PPL: variants seen among roughly 807,000 people sequenced by gnomAD.
PPL encodes the protein periplakin, also known as 190 kDa paraneoplastic pemphigus antigen.
In PPL, 198 loss-of-function variants were observed where a neutral mutation model predicts 194.4. The observed-to-expected ratio is 1.02, with a 90% CI of 0.91 to 1.15. The LOEUF is 1.15. PPL is among the 50% of genes most tolerant of loss of function. PPL has a pLI of 0.00. For synonymous variants in PPL, 1,220 were observed against 972.4 expected, an observed-to-expected ratio of 1.25 and a Z score of -4.74; for missense variants, 2,885 against 2,294.8, an observed-to-expected ratio of 1.26 and a Z score of -5.25.
chr16:4,887,421 A>T (rs1233562890), intron 20 of PPL, among the ~76,000 whole-genome samples, 194 bp from the exon 21 acceptor site: 4 of 152,072 alleles, frequency 2.6e-5, no homozygotes, highest in African/African-American at 7.2e-5. Context: ...GAGGCAGAAG[A>T]TCCAGGCCAG....
At chr16:4,895,822 C>T (rs1029721560) in intron 9 of PPL, 106 bp from the exon 10 acceptor site, 3 of 1,481,880 alleles carry the variant, frequency 2.0e-6, no homozygotes, top group Non-Finnish European at 2.8e-6. Flanking sequence ...GCCTCCGGTT[C>T]ACCTGGAGTC....
In PPL at chr16:4,885,414, C is replaced by T; in HGVS notation, c.3241G>A (p.Asp1081Asn). ...TCCTCCTGCTTCTCCCTGAGCTGGT[C>T]CTGGCGCTGGTGGTCCTCCTGCAGC... The part of the protein sequence containing the change: ...QQLQEDHQRQ[D>N]QLREKQEEEL... The change falls in exon 22 of 22, where the codon GAC becomes AAC. Residue 1081 changes from aspartate (D) to asparagine (N), a missense_variant. Transcript: ENST00000345988. This position sits in a 1 kb window ranked among gnomAD's most constrained non-coding sequence, Gnocchi z 6.3. 1 of 1,612,830 alleles carries T rather than the reference C, an allele frequency of 6.2e-7. No homozygotes were observed. Among genetic ancestry groups the T allele is most frequent in the Non-Finnish European group, 8.5e-7 (1 of 1,180,000 alleles).
In PPL at chr16:4,890,331, C is replaced by T. The variant is rs762281387; in HGVS notation, c.2166G>A (p.Ala722=). ...NNLRQQVERR[A]QSLQSAKAAY... ...CTGCCTTGGCGCTCTGTAGGCTCTG[C>T]GCCCTGTCAAGGCAAAGCGTTCAGG... The change falls in exon 18 of 22, where the codon GCG becomes GCA. Residue 722 remains alanine, a synonymous_variant. Transcript: ENST00000345988. 1.2e-5 allele frequency: 20 copies of T among 1,611,270 alleles called. No homozygotes were observed. Among genetic ancestry groups the T allele is most frequent in the Admixed American group, 5.0e-5 (3 of 59,826 alleles).
rs761187868 is a variant in PPL at position 4,883,618 on chromosome 16, G to A, written c.5037C>T (p.Leu1679=). 9 of 1,614,070 alleles carry A rather than the reference G, an allele frequency of 5.6e-6. No homozygotes were observed. The highest frequency in any genetic ancestry group is 1.1e-5 in the South Asian group (1 of 91,088). The change falls in exon 22 of 22, where the codon CTC becomes CTT. Residue 1679 remains leucine (L), a synonymous_variant. Transcript: ENST00000345988. This position sits in a 1 kb window ranked among gnomAD's most constrained non-coding sequence, Gnocchi z 4.8. ...LSPEEAHRAG[L]IDWNMFVKLR... ...GTTTCACGAACATGTTCCAGTCAATGAGCCCGGCACGGTGGGCTTCCTCCG... is the reference window on the plus strand; with the variant it reads ...GTTTCACGAACATGTTCCAGTCAATAAGCCCGGCACGGTGGGCTTCCTCCG...
chr16:4,885,687 G>T lies in PPL; in HGVS notation c.2968C>A (p.Gln990Lys). 6.2e-7 allele frequency: 1 copy of T among 1,613,356 alleles called. No homozygotes were observed. The highest frequency in any genetic ancestry group is 8.5e-7 in the Non-Finnish European group (1 of 1,179,954). Residue 990 changes from glutamine to lysine, a missense_variant, in exon 22 of 22, where the codon CAG becomes AAG. Gln to Lys is a moderately conservative substitution (Grantham distance 53, BLOSUM62 1). Transcript: ENST00000345988. The surrounding 1 kb of genome is among the most constrained non-coding windows in gnomAD (Gnocchi z 6.3). ...AGGACCTCCTTGACCACGTACTCCT[G>T]CCCCCCGTCTCTGGTCTCCTGCTCC... is the stretch of plus-strand genomic sequence containing the variant. ...ALEQETRDGG[Q>K]EYVVKEVLRI...
intron 3 of PPL, 57 bp downstream of exon 3, chr16:4,903,829 C>G (rs752096245): frequency 1.4e-5 from 22 of 1,596,670 alleles, no homozygotes; most frequent in Admixed American, 6.7e-5. Flanking sequence ...CAGGACCCCC[C>G]GCCCTGGCCC....
At chr16:4,918,523 C>A (rs4785977) in intron 1 of PPL, among the ~76,000 whole-genome samples, 1 of 152,010 alleles carries the variant, frequency 6.6e-6, no homozygotes, top group Non-Finnish European at 1.5e-5. Context: ...TAAGTAAGTA[C>A]CATTATTCTC....
intron 20 of PPL, among the ~76,000 whole-genome samples, chr16:4,887,572 T>C (rs2088239671): frequency 6.6e-6 from 1 of 152,164 alleles, no homozygotes; most frequent in South Asian, 2.1e-4. Context: ...AGATCCATGG[T>C]TCTGACCCTG....
At chr16:4,890,664 G>T in intron 17 of PPL, 64 bp downstream of exon 17, 2 of 1,511,144 alleles carry the variant, frequency 1.3e-6, no homozygotes, top group East Asian at 2.4e-5. Flanking sequence ...CTAAAGCATT[G>T]CTTAGAGGGA....
chr16:4,931,605 G>C (rs761954203), intron 1 of PPL, among the ~76,000 whole-genome samples: 9 of 152,188 alleles, frequency 5.9e-5, no homozygotes, highest in Middle Eastern at 3.4e-3. Flanking sequence ...AGGTGGTGCC[G>C]GTAACACCGG....
In PPL at chr16:4,902,834, C is replaced by T. The variant is rs1332385215; in HGVS notation, c.318-308G>A. 6.6e-6 allele frequency among the ~76,000 whole-genome samples: 1 copy of T among 152,180 alleles called. No homozygotes were observed. The highest frequency in any genetic ancestry group is 2.4e-5 in the African/African-American group (1 of 41,456). ...CCTCCCGAGTAGCTGGGATTACAGG[C>T]ATGTGCCACCTCGCCTGGGTAATTT... On this transcript the variant is annotated intron_variant, in intron 3 of 21. Transcript: ENST00000345988. This position sits in a 1 kb window ranked among gnomAD's most constrained non-coding sequence, Gnocchi z 4.0.
chr16:4,884,737 C>T lies in PPL; in HGVS notation c.3918G>A (p.Glu1306=). 2 of 1,614,210 alleles carry T rather than the reference C, an allele frequency of 1.2e-6. No homozygotes were observed. The highest frequency in any genetic ancestry group is 2.2e-5 in the East Asian group (1 of 44,884). ...LQFQEDPQTK[E]EVASLRAKLS... ...GCTTTGCCCTCAGAGACGCCACCTCCTCCTTGGTTTGAGGGTCTTCTTGGA... is the reference window on the plus strand; with the variant it reads ...GCTTTGCCCTCAGAGACGCCACCTCTTCCTTGGTTTGAGGGTCTTCTTGGA... Residue 1306 remains glutamate, a synonymous_variant, in exon 22 of 22, where the codon GAG becomes GAA. Coordinates refer to ENST00000345988, the MANE Select transcript of PPL (RefSeq NM_002705.5). The surrounding 1 kb of genome is among the most constrained non-coding windows in gnomAD (Gnocchi z 5.7).
At position 4,910,847 on chromosome 16, in the gene PPL, C is replaced by A; in HGVS notation, c.162+3G>T. The A allele has an allele frequency of 1.2e-6, 2 of 1,613,676 alleles. No homozygotes were observed. The highest frequency in any genetic ancestry group is 1.7e-6 in the Non-Finnish European group (2 of 1,179,742). The stretch of plus-strand genomic sequence containing the variant: ...AGGTGGGAGTGGGAGTGGGGGCACT[C>A]ACACTCTGCATCTTGGCCTCTGTGT... On this transcript the variant is annotated splice_donor_region_variant and intron_variant, in intron 2 of 21. Transcript: ENST00000345988.
At chr16:4,896,902 T>C (rs1345610144) in intron 9 of PPL, among the ~76,000 whole-genome samples, 1 of 151,928 alleles carries the variant, frequency 6.6e-6, no homozygotes, top group Non-Finnish European at 1.5e-5. Flanking sequence ...CCCAGAGTGC[T>C]GGAATTACAG....
intron 8 of PPL, among the ~76,000 whole-genome samples, chr16:4,898,089 T>G (rs917706270): frequency 7.9e-5 from 12 of 152,276 alleles, no homozygotes; most frequent in South Asian, 4.1e-4. Context: ...ACCAAATCCA[T>G]GACCCTGGCC....
intron 1 of PPL, among the ~76,000 whole-genome samples, chr16:4,918,248 G>A (rs2088966349): frequency 6.7e-6 from 1 of 149,386 alleles, no homozygotes; most frequent in Non-Finnish European, 1.5e-5. Flanking sequence ...AGCCGAGATT[G>A]CACCACTACA....
intron 16 of PPL, 51 bp downstream of exon 16, chr16:4,891,760 T>C: frequency 6.5e-7 from 1 of 1,545,624 alleles, no homozygotes; most frequent in Non-Finnish European, 8.7e-7. Flanking sequence ...ATGTGCCAGA[T>C]GCTCTCACCT....
intron 2 of PPL, among the ~76,000 whole-genome samples, chr16:4,908,130 C>T (rs1338713965): frequency 7.0e-6 from 1 of 143,580 alleles, no homozygotes; most frequent in Admixed American, 7.2e-5. Context: ...CCACTGCACT[C>T]CAGCCTGGAC....
chr16:4,885,486 C>G lies in PPL; in HGVS notation c.3169G>C (p.Val1057Leu). The change falls in exon 22 of 22, where the codon GTG becomes CTG. Residue 1057 changes from valine (V) to leucine (L), a missense_variant. Physicochemically the swap from Val to Leu is conservative, Grantham distance 32 (BLOSUM62 1). Transcript: ENST00000345988. The surrounding 1 kb of genome is among the most constrained non-coding windows in gnomAD (Gnocchi z 6.3). ...TGGGGGTCATTCTGCAGTTTCACCA[C>G]CTCTTTCTCTGTGACCTTCTCCTGC... Reference protein sequence around the residue: ...RAQEKVTEKEVVKLQNDPQLE... With the variant: ...RAQEKVTEKELVKLQNDPQLE... The G allele has an allele frequency of 6.2e-7, 1 of 1,612,292 alleles. No individual in the cohort carries two copies.
Sources: allele counts gnomAD v4.1 joint callset (sites outside exome capture counted in the v4.1 genomes callset), GRCh38; gene constraint gnomAD v4.1.1; non-coding constraint Gnocchi (gnomAD v3.1); transcripts MANE v1.5; gene names NCBI Gene and HGNC (gene_info 2026-07-23, HGNC 2026-07-21).